The following C4orf36 variants were observed in gnomAD, a reference collection of about 807,000 sequenced individuals.
The protein encoded by C4orf36 is chromosome 4 open reading frame 36.
C4orf36 carries 11 observed loss-of-function variants against 12.2 expected under a neutral mutation model. That is an observed-to-expected ratio of 0.90 (90% CI 0.57 to 1.49). The LOEUF is 1.49. Ranked by LOEUF, C4orf36 falls within the 40% of genes most tolerant of loss-of-function variation. C4orf36 has a pLI of 0.00. For missense variants in C4orf36, 137 were observed against 133.9 expected, an observed-to-expected ratio of 1.02 and a Z score of -0.11; for synonymous variants, 54 against 51.3, an observed-to-expected ratio of 1.05 and a Z score of -0.22.
At chr4:86,901,469 G>A in the C4orf36 span, among the ~76,000 whole-genome samples, 9 of 151,564 alleles carry the variant, frequency 5.9e-5, no homozygotes, top group South Asian at 4.2e-4. Flanking sequence ...GTCCAGTGGC[G>A]CGATCTCGGC....
the C4orf36 span, chr4:86,914,505 A>G: frequency 2.0e-6 from 1 of 499,652 alleles, no homozygotes; most frequent in Non-Finnish European, 3.5e-6. Context: ...GGTACCAGCA[A>G]TTCTCCTGCC....
chr4:86,935,520 C>G, the C4orf36 span: 1 of 152,438 alleles, frequency 6.6e-6, no homozygotes, highest in Non-Finnish European at 1.5e-5. Context: ...TCCTCCCTCA[C>G]GCGCAGCCCC....
chr4:86,917,956 A>G, the C4orf36 span, among the ~76,000 whole-genome samples: 7 of 152,370 alleles, frequency 4.6e-5, no homozygotes, highest in Non-Finnish European at 8.8e-5. Context: ...CTGTAATCAC[A>G]TGGGACCATC....
the C4orf36 span, chr4:86,913,342 C>A: frequency 1.2e-6 from 1 of 825,858 alleles, no homozygotes; most frequent in Non-Finnish European, 2.0e-6. Flanking sequence ...GCAAAATTTG[C>A]GACAATCTTG....
the C4orf36 span, among the ~76,000 whole-genome samples, chr4:86,930,657 T>G: frequency 6.6e-6 from 1 of 152,342 alleles, no homozygotes; most frequent in East Asian, 1.9e-4. Context: ...AATTACTACT[T>G]TAAATGTGAA....
At chr4:86,888,392 G>A (rs1747266480) in intron 2 of C4orf36, 117 bp from the exon 3 acceptor site, 2 of 929,400 alleles carry the variant, frequency 2.2e-6, no homozygotes, top group African/African-American at 3.3e-5. Context: ...GTTTATGGGT[G>A]GAGGGGGAGA....
upstream of C4orf36, among the ~76,000 whole-genome samples, chr4:86,894,409 A>C (rs1286034870): frequency 6.6e-6 from 1 of 152,138 alleles, no homozygotes; most frequent in Non-Finnish European, 1.5e-5. Context: ...GCACTTTCTT[A>C]GGTGATTTTA....
intron 2 of C4orf36, among the ~76,000 whole-genome samples, chr4:86,890,480 AAATAATAATAATAATAATAAT>A (rs56235500): frequency 6.3e-4 from 93 of 147,338 alleles, no homozygotes; most frequent in Non-Finnish European, 2.2e-4. Flanking sequence ...AATGCAAATA[AAATAATAATAATAATAATAAT>A]AATAATAATA....
At chr4:86,916,805 T>A in the C4orf36 span, among the ~76,000 whole-genome samples, 1 of 152,222 alleles carries the variant, frequency 6.6e-6, no homozygotes, top group Non-Finnish European at 1.5e-5. Flanking sequence ...ACTCATTTCA[T>A]GGTAATGGGA....
the C4orf36 span, among the ~76,000 whole-genome samples, chr4:86,912,349 C>G: frequency 6.6e-6 from 1 of 152,168 alleles, no homozygotes; most frequent in Non-Finnish European, 1.5e-5. Context: ...TTATAATATC[C>G]CATTTGGAGA....
At chr4:86,876,787 A>T (rs539553623) in intron 4 of C4orf36, 418 of 1,068,808 alleles carry the variant, frequency 3.9e-4, no homozygotes, top group Middle Eastern at 6.5e-4. Context: ...ATTTTAAAAT[A>T]AAAAAAAAGA....
the C4orf36 span, among the ~76,000 whole-genome samples, chr4:86,911,725 T>G: frequency 6.6e-6 from 1 of 152,192 alleles, no homozygotes; most frequent in Non-Finnish European, 1.5e-5. Flanking sequence ...TTTTGCTCTG[T>G]GCCCAGGCTG....
chr4:86,888,227 G>C lies in C4orf36; in HGVS notation c.114C>G (p.Asn38Lys). Residue 38 changes from asparagine (N) to lysine (K), a missense_variant, in exon 3 of 5, where the codon AAC becomes AAG. By Grantham distance (94) the Asn-to-Lys change is moderately conservative. Transcript: ENST00000295898. The part of the protein sequence containing the change: ...IALLAKTWST[N>K]LANIKLPFLE... ...AGAAAGGCAACTTGATATTGGCTAG[G>C]TTTGTGGACCAGGTCTTTGCAAGCA... is the stretch of plus-strand genomic sequence containing the variant. 6.2e-7 allele frequency: 1 copy of C among 1,614,140 alleles called. No homozygotes were observed. Among genetic ancestry groups the C allele is most frequent in the South Asian group, 1.1e-5 (1 of 91,080 alleles).
At chr4:86,908,184 C>T in the C4orf36 span, among the ~76,000 whole-genome samples, 10 of 147,410 alleles carry the variant, frequency 6.8e-5, no homozygotes, top group African/African-American at 2.5e-4. Flanking sequence ...CACACACACA[C>T]ACACACACAC....
chr4:86,878,331 G>T (rs1204356121), intron 4 of C4orf36, among the ~76,000 whole-genome samples: 1 of 152,134 alleles, frequency 6.6e-6, no homozygotes, highest in African/African-American at 2.4e-5. Flanking sequence ...GAATGCATAG[G>T]TTTGTAACCT....
the C4orf36 span, among the ~76,000 whole-genome samples, chr4:86,901,574 A>ATT: frequency 9.4e-5 from 14 of 148,184 alleles, no homozygotes; most frequent in Non-Finnish European, 6.0e-5. Context: ...CACCCGGCTA[A>ATT]TTTTTTTTTT....
At chr4:86,932,831 A>G in the C4orf36 span, among the ~76,000 whole-genome samples, 1 of 151,554 alleles carries the variant, frequency 6.6e-6, no homozygotes, top group African/African-American at 2.4e-5. Context: ...GCTTCATCTT[A>G]TTAGAAACAT....
At chr4:86,892,734 C>A (rs1747478535), upstream of C4orf36, among the ~76,000 whole-genome samples, 2 of 152,248 alleles carry the variant, frequency 1.3e-5, no homozygotes, top group Admixed American at 6.5e-5. Flanking sequence ...AGCCCTGTTG[C>A]CAGCGTTCTC....
chr4:86,918,745 A>G, the C4orf36 span, among the ~76,000 whole-genome samples: 1 of 152,098 alleles, frequency 6.6e-6, no homozygotes, highest in Non-Finnish European at 1.5e-5. Context: ...ACATCTCTTA[A>G]TACTTCCATG....
Sources: allele counts gnomAD v4.1 joint callset (sites outside exome capture counted in the v4.1 genomes callset), GRCh38; gene constraint gnomAD v4.1.1; transcripts MANE v1.5; gene names NCBI Gene and HGNC (gene_info 2026-07-23, HGNC 2026-07-21).